The following THRB variants were observed in gnomAD, a reference collection of about 807,000 sequenced individuals.
The protein encoded by THRB is thyroid hormone receptor beta.
Under a neutral mutation model 47.8 loss-of-function variants are expected in THRB, and 12 were observed. That is an observed-to-expected ratio of 0.25 (90% CI 0.16 to 0.41). THRB has a LOEUF of 0.41. THRB is among the 10% of genes least tolerant of loss of function. The pLI is 1.00. For missense variants in THRB, 348 were observed against 589.2 expected, an observed-to-expected ratio of 0.59 and a Z score of 4.24; for synonymous variants, 218 against 212.2, an observed-to-expected ratio of 1.03 and a Z score of -0.24.
At chr3:24,278,147 C>G (rs1402912058) in intron 3 of THRB, among the ~76,000 whole-genome samples, 2 of 152,164 alleles carry the variant, frequency 1.3e-5, no homozygotes, top group East Asian at 3.8e-4. Flanking sequence ...GATTACACAA[C>G]AGAAAGATTT....
chr3:24,419,737 A>G (rs184957903), intron 1 of THRB, among the ~76,000 whole-genome samples: 2 of 152,052 alleles, frequency 1.3e-5, no homozygotes, highest in Admixed American at 6.6e-5. Context: ...CACATCTTCT[A>G]TCTTTGAGAA....
At chr3:24,146,870 A>G in intron 6 of THRB, 48 bp from the exon 7 acceptor site, 1 of 1,581,608 alleles carries the variant, frequency 6.3e-7, no homozygotes, top group Non-Finnish European at 8.7e-7. Context: ...ATTTTCTTGA[A>G]ATCAGTGATT....
intron 2 of THRB, among the ~76,000 whole-genome samples, chr3:24,330,301 G>A (rs1390669727): frequency 1.3e-5 from 2 of 151,588 alleles, no homozygotes; most frequent in Admixed American, 6.6e-5. Context: ...GCGACAGAGC[G>A]AGACTCCGTC....
intron 1 of THRB, among the ~76,000 whole-genome samples, chr3:24,397,045 TA>T (rs1452731853): frequency 1.3e-5 from 2 of 152,114 alleles, no homozygotes; most frequent in Admixed American, 6.6e-5. Flanking sequence ...CTCCCCAGTC[TA>T]AAAGTCAGGA....
At chr3:24,451,091 A>T (rs1159692044) in intron 1 of THRB, among the ~76,000 whole-genome samples, 1 of 152,164 alleles carries the variant, frequency 6.6e-6, no homozygotes, top group Non-Finnish European at 1.5e-5. Flanking sequence ...TTTCCTTGTG[A>T]TACATATGAG....
At position 24,228,979 on chromosome 3, in the gene THRB, A is replaced by G. The variant is rs748216092; in HGVS notation, c.-20T>C. 2.5e-6 allele frequency: 4 copies of G among 1,609,186 alleles called. No individual in the cohort carries two copies. The Admixed American group carries it at 5.0e-5, about 20-fold the overall frequency. The stretch of plus-strand genomic sequence containing the variant: ...AGTCATAGGTTAGTAATCATTCTGG[A>G]TCCCTTTTTTCACTGACATCTCCTA... On this transcript the variant is annotated 5_prime_UTR_variant, in exon 4 of 11. Coordinates refer to ENST00000646209, the MANE Select transcript of THRB (RefSeq NM_001354712.2).
At chr3:24,227,779 G>A (rs2047817010) in intron 4 of THRB, among the ~76,000 whole-genome samples, 1 of 152,106 alleles carries the variant, frequency 6.6e-6, no homozygotes, top group Non-Finnish European at 1.5e-5. Flanking sequence ...GACATGAATA[G>A]ATAATCAAAG....
At chr3:24,451,447 A>C (rs1414030410) in intron 1 of THRB, among the ~76,000 whole-genome samples, 1 of 151,950 alleles carries the variant, frequency 6.6e-6, no homozygotes, top group African/African-American at 2.4e-5. Flanking sequence ...ATGTTAGCCA[A>C]GCTGGTCTTA....
chr3:24,350,748 GA>G (rs2063313295), intron 1 of THRB, among the ~76,000 whole-genome samples: 1 of 152,142 alleles, frequency 6.6e-6, no homozygotes, highest in African/African-American at 2.4e-5. Flanking sequence ...TTTGTTTTGT[GA>G]AAATTTGTTA....
chr3:24,396,965 T>C (rs1424500204), intron 1 of THRB, among the ~76,000 whole-genome samples: 1 of 152,124 alleles, frequency 6.6e-6, no homozygotes, highest in Non-Finnish European at 1.5e-5. Context: ...CAGTTCTTTT[T>C]TTGCTATTCT....
intron 5 of THRB, among the ~76,000 whole-genome samples, chr3:24,158,926 C>T (rs2038334367): frequency 6.6e-6 from 1 of 151,642 alleles, no homozygotes; most frequent in Non-Finnish European, 1.5e-5. Context: ...AGATCATTTC[C>T]TGTTTTAAAA....
At chr3:24,446,170 G>C (rs1232397511) in intron 1 of THRB, among the ~76,000 whole-genome samples, 1 of 152,144 alleles carries the variant, frequency 6.6e-6, no homozygotes, top group African/African-American at 2.4e-5. Flanking sequence ...TGGACACACT[G>C]GTCATGACCT....
At chr3:24,223,025 C>G (rs1389940920) in intron 4 of THRB, among the ~76,000 whole-genome samples, 1 of 152,186 alleles carries the variant, frequency 6.6e-6, no homozygotes, top group Non-Finnish European at 1.5e-5. Context: ...CTCTATGGCA[C>G]TGTGGGAAGC....
At chr3:24,129,370 G>GA (rs2033453003) in intron 9 of THRB, among the ~76,000 whole-genome samples, 1 of 152,224 alleles carries the variant, frequency 6.6e-6, no homozygotes, top group African/African-American at 2.4e-5. Context: ...ACAGCAACAA[G>GA]AAGTTACTAA....
chr3:24,418,955 A>G (rs1252395902), intron 1 of THRB, among the ~76,000 whole-genome samples: 2 of 151,852 alleles, frequency 1.3e-5, no homozygotes, highest in Admixed American at 6.6e-5. Context: ...TATCTAATAG[A>G]CGAGATATGA....
intron 3 of THRB, among the ~76,000 whole-genome samples, chr3:24,243,641 T>C (rs2049814693): frequency 6.6e-6 from 1 of 152,112 alleles, no homozygotes. Context: ...ACCCCTTATC[T>C]TCCTCTCCTG....
At chr3:24,349,670 T>A (rs2063243645) in intron 1 of THRB, among the ~76,000 whole-genome samples, 1 of 152,064 alleles carries the variant, frequency 6.6e-6, no homozygotes, top group Admixed American at 6.6e-5. Context: ...GTACCTCACT[T>A]CACATGATAC....
At chr3:24,320,753 G>T (rs1430289615) in intron 2 of THRB, among the ~76,000 whole-genome samples, 4 of 152,106 alleles carry the variant, frequency 2.6e-5, no homozygotes, top group Non-Finnish European at 4.4e-5. Context: ...CAAATTTCCA[G>T]TCCCTCAAGA....
At chr3:24,233,550 AAAGAAAAAGG>A (rs1297436264) in intron 3 of THRB, among the ~76,000 whole-genome samples, 2 of 108,008 alleles carry the variant, frequency 1.9e-5, no homozygotes, top group Admixed American at 9.2e-5. Context: ...AAAGAGAAAG[AAAGAAAAAGG>A]AAGAAAGAAA....
Sources: gnomAD v4.1 joint callset for allele counts (sites outside exome capture counted in the v4.1 genomes callset) on GRCh38, gnomAD v4.1.1 for gene constraint, MANE v1.5 for transcripts, NCBI Gene and HGNC (gene_info 2026-07-23, HGNC 2026-07-21) for gene names.